EFNA5: variants seen among roughly 807,000 people sequenced by gnomAD.
The protein encoded by EFNA5 is ephrin A5, also known as ephrin-A5.
In EFNA5, 5 loss-of-function variants were observed where a neutral mutation model predicts 22.9. The ratio of observed to expected loss-of-function variants is 0.22; its 90% confidence interval spans 0.11 to 0.46. EFNA5 has a LOEUF of 0.46. EFNA5 is among the 20% of genes least tolerant of loss of function. EFNA5 has a pLI of 0.99. For missense variants in EFNA5, 237 were observed against 293.3 expected (o/e 0.81, Z 1.40); for synonymous variants, 113 against 112.2 (o/e 1.01, Z -0.04).
intron 1 of EFNA5, among the ~76,000 whole-genome samples, chr5:107,550,858 T>TTCC (rs1330713242): frequency 6.6e-6 from 1 of 152,204 alleles, no homozygotes. Context: ...CTAGGTAGTA[T>TTCC]TCCTGCTAGG....
intron 1 of EFNA5, among the ~76,000 whole-genome samples, chr5:107,633,263 C>A (rs1750297332): frequency 6.6e-6 from 1 of 152,212 alleles, no homozygotes. Context: ...TGATGAATTA[C>A]AAGTAAGCCA....
chr5:107,512,277 A>G (rs1458868702), intron 1 of EFNA5, among the ~76,000 whole-genome samples: 1 of 152,130 alleles, frequency 6.6e-6, no homozygotes, highest in Non-Finnish European at 1.5e-5. Context: ...AGAACCCCAC[A>G]TAGGCTCCTC....
At chr5:107,418,926 T>G (rs182053376) in intron 2 of EFNA5, among the ~76,000 whole-genome samples, 1 of 152,344 alleles carries the variant, frequency 6.6e-6, no homozygotes, top group African/African-American at 2.4e-5. Flanking sequence ...TAACAGGGCA[T>G]GCATTTCCTT....
intron 2 of EFNA5, among the ~76,000 whole-genome samples, chr5:107,390,934 G>A (rs1747779066): frequency 6.6e-6 from 1 of 152,166 alleles, no homozygotes; most frequent in Non-Finnish European, 1.5e-5. Flanking sequence ...CAAGCCGGAT[G>A]GATCACTTAA....
intron 1 of EFNA5, among the ~76,000 whole-genome samples, chr5:107,647,794 G>A (rs373325469): frequency 2.0e-5 from 3 of 152,004 alleles, no homozygotes; most frequent in African/African-American, 4.8e-5. Context: ...TTAGTCCACC[G>A]AAAACTCACA....
At chr5:107,554,746 T>C (rs1748371662) in intron 1 of EFNA5, among the ~76,000 whole-genome samples, 1 of 152,168 alleles carries the variant, frequency 6.6e-6, no homozygotes, top group African/African-American at 2.4e-5. Context: ...AATAACCCTA[T>C]GGATTAGGCA....
intron 4 of EFNA5, among the ~76,000 whole-genome samples, chr5:107,385,290 G>A (rs1451179933): frequency 1.3e-5 from 2 of 152,146 alleles, no homozygotes; most frequent in African/African-American, 4.8e-5. Context: ...CCTAATGGCA[G>A]AATAGTCCTC....
intron 1 of EFNA5, among the ~76,000 whole-genome samples, chr5:107,644,980 C>G (rs997577728): frequency 6.6e-6 from 1 of 152,130 alleles, no homozygotes; most frequent in Non-Finnish European, 1.5e-5. Context: ...GGATTACAGG[C>G]GTGAGCCACC....
At chr5:107,605,036 C>T (rs1375918420) in intron 1 of EFNA5, among the ~76,000 whole-genome samples, 1 of 150,784 alleles carries the variant, frequency 6.6e-6, no homozygotes, top group East Asian at 2.0e-4. Context: ...TTCTTCATAA[C>T]TGTTTGCTTT....
intron 1 of EFNA5, among the ~76,000 whole-genome samples, chr5:107,553,438 T>C (rs1406208629): frequency 6.6e-6 from 1 of 152,186 alleles, no homozygotes; most frequent in East Asian, 1.9e-4. Context: ...ATCTACTCCA[T>C]AGGGTCAAGG....
At chr5:107,560,736 C>T (rs1748517317) in intron 1 of EFNA5, among the ~76,000 whole-genome samples, 1 of 152,160 alleles carries the variant, frequency 6.6e-6, no homozygotes, top group Non-Finnish European at 1.5e-5. Flanking sequence ...TGCTCCCATC[C>T]CCAACTACCC....
rs2112512261 is a variant in EFNA5 at position 107,601,126 on chromosome 5, A to G, written c.125+69363T>C. On this transcript the variant is annotated intron_variant, in intron 1 of 4. Transcript: ENST00000333274. ...ATGCTGAATCTACAAGTAACTTCGA[A>G]AGAGGTTTAGATTGTTTCATAGGAA... Among the ~76,000 whole-genome samples the G allele has an allele frequency of 2.0e-5, 3 of 152,330 alleles. 1 individual carries two copies. The highest frequency in any genetic ancestry group is 2.0e-4 in the Admixed American group (3 of 15,304).
intron 1 of EFNA5, among the ~76,000 whole-genome samples, chr5:107,661,605 G>C (rs1260239765): frequency 6.6e-6 from 1 of 152,124 alleles, no homozygotes; most frequent in Admixed American, 6.6e-5. Context: ...AGGCTCATTT[G>C]CTCCCACTTT....
rs920878893 is a variant in EFNA5, at chr5:107,502,335, A to G, written c.126-74826T>C. Among the ~76,000 whole-genome samples, 4 of 152,328 alleles carry G rather than the reference A, an allele frequency of 2.6e-5. No individual in the cohort carries two copies. The East Asian group carries it at 5.8e-4, about 22-fold the overall frequency. On this transcript the variant is annotated intron_variant, in intron 1 of 4. Transcript: ENST00000333274. ...CTCGTCTTAGCCACGAGCTAACAGT[A>G]TCATCATTTAGAAAGATCCCTCATC...
At chr5:107,536,750 T>A (rs2112456421) in intron 1 of EFNA5, among the ~76,000 whole-genome samples, 1 of 152,298 alleles carries the variant, frequency 6.6e-6, no homozygotes, top group African/African-American at 2.4e-5. Flanking sequence ...AAACACAATT[T>A]ACAGTTTGGA....
At chr5:107,589,447 A>G (rs1292557220) in intron 1 of EFNA5, among the ~76,000 whole-genome samples, 1 of 152,170 alleles carries the variant, frequency 6.6e-6, no homozygotes, top group Non-Finnish European at 1.5e-5. Context: ...GGCTTCCAAA[A>G]AAACTAAAAA....
intron 1 of EFNA5, among the ~76,000 whole-genome samples, chr5:107,554,879 G>A (rs1748374680): frequency 6.6e-6 from 1 of 152,164 alleles, no homozygotes; most frequent in African/African-American, 2.4e-5. Context: ...GCACATCTTT[G>A]GAGGGACATT....
intron 1 of EFNA5, among the ~76,000 whole-genome samples, chr5:107,642,576 A>G (rs889819131): frequency 2.0e-5 from 3 of 152,174 alleles, no homozygotes; most frequent in Non-Finnish European, 4.4e-5. Flanking sequence ...TATTTCATAG[A>G]CTGGAGAATA....
intron 1 of EFNA5, among the ~76,000 whole-genome samples, chr5:107,436,974 G>C (rs1018147900): frequency 1.3e-5 from 2 of 152,122 alleles, no homozygotes; most frequent in African/African-American, 4.8e-5. Context: ...CCAACTCAAG[G>C]AGAGATTTTT....
Sources: allele counts gnomAD v4.1 joint callset (sites outside exome capture counted in the v4.1 genomes callset), GRCh38; gene constraint gnomAD v4.1.1; transcripts MANE v1.5; gene names NCBI Gene and HGNC (gene_info 2026-07-23, HGNC 2026-07-21).